Variants in LRTM3 observed in about 807,000 individuals in gnomAD.
LRTM3 encodes the protein leucine rich repeat transmembrane protein 3.
the LRTM3 span, chr13:102,732,855 G>T: frequency 6.4e-7 from 1 of 1,551,282 alleles, no homozygotes; most frequent in Non-Finnish European, 8.7e-7. Flanking sequence ...TTCTGCTCTA[G>T]ATTTATATTG....
the LRTM3 span, chr13:102,745,316 G>T: frequency 1.7e-4 from 264 of 1,550,656 alleles, 4 homozygotes; most frequent in South Asian, 2.8e-3. Context: ...TTCATGTGGA[G>T]ATGTATCTTG....
At chr13:102,745,381 T>C in the LRTM3 span, 4 of 1,550,560 alleles carry the variant, frequency 2.6e-6, no homozygotes, top group Non-Finnish European at 3.5e-6. Context: ...TTTCTGTTTC[T>C]ACCTTGCTAT....
chr13:102,730,133 G>T, the LRTM3 span: 1 of 1,549,918 alleles, frequency 6.5e-7, no homozygotes, highest in Admixed American at 2.0e-5. Flanking sequence ...GGAAGGTGGT[G>T]TAATAATTAA....
the LRTM3 span, chr13:102,735,697 G>A: frequency 6.4e-7 from 1 of 1,551,072 alleles, no homozygotes; most frequent in Non-Finnish European, 8.7e-7. Flanking sequence ...GTCCTTTTGA[G>A]TTGCTTAATG....
the LRTM3 span, chr13:102,737,153 A>C: frequency 6.4e-7 from 1 of 1,551,074 alleles, no homozygotes; most frequent in Non-Finnish European, 8.7e-7. Context: ...TTCAGGTTGC[A>C]TTATATAATC....
the LRTM3 span, chr13:102,737,996 C>T: frequency 6.4e-7 from 1 of 1,550,840 alleles, no homozygotes; most frequent in Non-Finnish European, 8.7e-7. Flanking sequence ...ATCCATTTTC[C>T]CTTGCTCTTT....
At chr13:102,736,316 CTG>C in the LRTM3 span, 1 of 1,551,150 alleles carries the variant, frequency 6.4e-7, no homozygotes, top group Non-Finnish European at 8.7e-7. Context: ...ACTCAGAGGA[CTG>C]TGCTCAGTGA....
chr13:102,733,622 T>C, the LRTM3 span: 3 of 1,551,348 alleles, frequency 1.9e-6, no homozygotes, highest in African/African-American at 1.4e-5. Context: ...AGTTAAAGTT[T>C]CTGTTTTGTA....
the LRTM3 span, chr13:102,747,059 A>T: frequency 6.4e-7 from 1 of 1,550,664 alleles, no homozygotes; most frequent in Non-Finnish European, 8.7e-7. Flanking sequence ...ATCATGCAGG[A>T]CTGCTTTTGG....
the LRTM3 span, chr13:102,733,966 A>G: frequency 6.4e-7 from 1 of 1,551,342 alleles, no homozygotes; most frequent in Non-Finnish European, 8.7e-7. Context: ...ATGATCCTGT[A>G]ATTCCTGGAG....
At chr13:102,758,713 C>A in the LRTM3 span, 16 of 1,546,264 alleles carry the variant, frequency 1.0e-5, no homozygotes, top group African/African-American at 1.4e-5. Flanking sequence ...TCCTGGACAT[C>A]TGAACTACCC....
the LRTM3 span, chr13:102,732,492 C>T: frequency 1.3e-6 from 2 of 1,550,886 alleles, no homozygotes; most frequent in African/African-American, 2.7e-5. Context: ...GAAAGAGGAA[C>T]ATATGAATAA....
the LRTM3 span, chr13:102,740,825 G>T: frequency 6.5e-7 from 1 of 1,549,568 alleles, no homozygotes; most frequent in Middle Eastern, 1.7e-4. Context: ...ACTATTGATT[G>T]CCTTTAATGC....
chr13:102,731,386 C>T, the LRTM3 span: 1 of 1,551,396 alleles, frequency 6.4e-7, no homozygotes, highest in Non-Finnish European at 8.7e-7. Flanking sequence ...GTAAAGATTT[C>T]CTTGCCATCT....
the LRTM3 span, chr13:102,739,673 T>C: frequency 6.4e-7 from 1 of 1,550,450 alleles, no homozygotes; most frequent in Non-Finnish European, 8.7e-7. Flanking sequence ...GTTAGGGCTT[T>C]TTATTCTTTT....
chr13:102,746,052 T>C, the LRTM3 span: 1 of 1,551,180 alleles, frequency 6.4e-7, no homozygotes, highest in Admixed American at 2.0e-5. Context: ...AGGACTTTTA[T>C]GTCATTTTCT....
chr13:102,747,667 G>T, the LRTM3 span: 1 of 1,551,190 alleles, frequency 6.4e-7, no homozygotes, highest in South Asian at 1.2e-5. Context: ...CAACTGGCAA[G>T]TTCTCTGGCA....
the LRTM3 span, chr13:102,737,196 TC>T: frequency 6.4e-7 from 1 of 1,551,130 alleles, no homozygotes; most frequent in Non-Finnish European, 8.7e-7. Flanking sequence ...TCTACTTCTT[TC>T]TGTGGCTTGT....
the LRTM3 span, chr13:102,742,840 A>T: frequency 6.4e-7 from 1 of 1,550,708 alleles, no homozygotes; most frequent in South Asian, 1.2e-5. Flanking sequence ...TTTCTTTTAA[A>T]ACAGAATGGC....
Sources: gnomAD v4.1 joint callset for allele counts on GRCh38, gnomAD v4.1.1 for gene constraint, MANE v1.5 for transcripts, NCBI Gene and HGNC (gene_info 2026-07-23, HGNC 2026-07-21) for gene names.